BTBD1: variants seen among roughly 807,000 people sequenced by gnomAD.
BTBD1 encodes BTB/POZ domain-containing protein 1.
Under a neutral mutation model 48.0 loss-of-function variants are expected in BTBD1, and 34 were observed. That is an observed-to-expected ratio of 0.71 (90% confidence interval 0.54 to 0.94). The LOEUF (loss-of-function observed/expected upper bound fraction) is 0.94. Among genes scored for constraint, BTBD1 ranks in the 40% least tolerant of loss-of-function variants. The pLI is 0.00. For synonymous variants in BTBD1, 261 were observed against 242.1 expected, an observed-to-expected ratio of 1.08 and a Z score of -0.72; for missense variants, 543 against 625.6, an observed-to-expected ratio of 0.87 and a Z score of 1.41.
At chr15:83,058,844 T>A (rs571141705) in intron 1 of BTBD1, among the ~76,000 whole-genome samples, 5 of 152,276 alleles carry the variant, frequency 3.3e-5, no homozygotes, top group Admixed American at 2.6e-4. Context: ...ATGCGGGCTT[T>A]GACTTAGGAA....
At chr15:83,058,553 G>A (rs2033125061) in intron 1 of BTBD1, among the ~76,000 whole-genome samples, 1 of 151,974 alleles carries the variant, frequency 6.6e-6, no homozygotes, top group South Asian at 2.1e-4. Context: ...AGGCTGCAGG[G>A]AGCGGAGATC....
In BTBD1 at chr15:83,017,889, AT is replaced by A. The variant is rs956260060; in HGVS notation, c.*177del. On this transcript the variant is annotated 3_prime_UTR_variant, in exon 8 of 8. Transcript: ENST00000261721. ...TCTTAAAGTTGTAAGAAAATGGAAA[AT>A]CTGTTTTTAAATCATGCAAAGATTT... 52 of 395,306 alleles carry A rather than the reference AT, an allele frequency of 1.3e-4. No homozygotes were observed. Among genetic ancestry groups the A allele is most frequent in the African/African-American group, 1.0e-3 (50 of 48,362 alleles). The allele number at this position is 395,306 out of a possible 1,614,324, so 24.5% of individuals were successfully genotyped here. A position where few individuals can be genotyped will look rare whatever the true frequency, so the allele number is the denominator to read the frequency against.
At position 83,067,205 on chromosome 15, in the gene BTBD1, A is replaced by G. The variant is rs2033301882; in HGVS notation, c.-54T>C. On this transcript the variant is annotated 5_prime_UTR_variant, in exon 1 of 8. Coordinates refer to ENST00000261721, the MANE Select transcript of BTBD1 (RefSeq NM_025238.4). ...GGACAAAACTCCGCCGCCATCGCCC[A>G]GGCCGCCTCCGGAGGCCGGCGCTGC... is the stretch of plus-strand genomic sequence containing the variant. The G allele has an allele frequency of 3.7e-6, 5 of 1,342,470 alleles. No homozygotes were observed. Among genetic ancestry groups the G allele is most frequent in the East Asian group, 2.9e-5 (1 of 34,260 alleles). The allele number at this position is 1,342,470 out of a possible 1,614,324, so 83.2% of individuals were successfully genotyped here.
At chr15:83,057,614 C>A (rs948283089) in intron 1 of BTBD1, among the ~76,000 whole-genome samples, 1 of 152,204 alleles carries the variant, frequency 6.6e-6, no homozygotes, top group Non-Finnish European at 1.5e-5. Flanking sequence ...CTTTCTTGAT[C>A]GTTCCTTTTT....
chr15:83,029,248 G>A (rs780040727), intron 5 of BTBD1, among the ~76,000 whole-genome samples: 1 of 152,128 alleles, frequency 6.6e-6, no homozygotes, highest in Non-Finnish European at 1.5e-5. Flanking sequence ...TTATACTGAA[G>A]TGCTATTAAA....
At chr15:83,018,616 T>A in intron 7 of BTBD1, 91 bp downstream of exon 7, 1 of 1,421,136 alleles carries the variant, frequency 7.0e-7, no homozygotes, top group East Asian at 2.4e-5. Context: ...TCTTTATAAA[T>A]GGCTCAGCTG....
In BTBD1 at chr15:83,041,871, A is replaced by G; in HGVS notation, c.719T>C (p.Leu240Pro). ...RDTLSIRESR[L>P]FGAVVRWAEA... Reference sequence around the variant, plus strand: ...TGCCCAGCGTACAACAGCTCCAAAAAGTCGACTTTCTCGAATACTGAGTGT... The same window carrying G: ...TGCCCAGCGTACAACAGCTCCAAAAGGTCGACTTTCTCGAATACTGAGTGT... The change falls in exon 4 of 8, where the codon CTT (leucine) becomes CCT (proline). Residue 240 changes from leucine (L) to proline (P), a missense_variant. By Grantham distance (98) the Leu-to-Pro change is moderately conservative (BLOSUM62 -3). Coordinates refer to ENST00000261721, the MANE Select transcript of BTBD1 (RefSeq NM_025238.4). 1 of 1,614,218 alleles carries G rather than the reference A, an allele frequency of 6.2e-7. No individual in the cohort carries two copies. The highest frequency in any genetic ancestry group is 8.5e-7 in the Non-Finnish European group (1 of 1,180,042).
chr15:83,067,148 C>A lies in BTBD1; in HGVS notation c.4G>T (p.Ala2Ser). The A allele has an allele frequency of 7.0e-7, 1 of 1,429,404 alleles. No homozygotes were observed. The highest frequency in any genetic ancestry group is 1.6e-5 in the South Asian group (1 of 64,212). The allele number at this position is 1,429,404 out of a possible 1,614,324, so 88.5% of individuals were successfully genotyped here. MASLGPAAAGEQ... is the reference protein window; with the variant it reads MSSLGPAAAGEQ... Reference sequence around the variant, plus strand: ...CCAGCTGCGGCAGGCCCGAGTGAGGCCATCCTCCAGCTGCGCGGTTGCCCA... The same window carrying A: ...CCAGCTGCGGCAGGCCCGAGTGAGGACATCCTCCAGCTGCGCGGTTGCCCA... The change falls in exon 1 of 8, where the codon GCC becomes TCC. Residue 2 changes from alanine to serine, a missense_variant. By Grantham distance (99) the Ala-to-Ser change is moderately conservative. Transcript: ENST00000261721.
At chr15:83,018,598 T>C in intron 7 of BTBD1, 109 bp downstream of exon 7, 1 of 1,254,958 alleles carries the variant, frequency 8.0e-7, no homozygotes, top group East Asian at 2.5e-5. Context: ...CCAGCTTCTT[T>C]TCCCCCCTCT....
chr15:83,056,210 TAC>T (rs2033078602), intron 2 of BTBD1, among the ~76,000 whole-genome samples, 177 bp downstream of exon 2: 1 of 152,194 alleles, frequency 6.6e-6, no homozygotes, highest in African/African-American at 2.4e-5. Context: ...TGGCCTCTAA[TAC>T]ACTTTTCAAT....
rs2033084837 is a variant in BTBD1, at chr15:83,056,531, T to C, written c.416A>G (p.Asp139Gly). Residue 139 changes from aspartate (D) to glycine (G), a missense_variant, in exon 2 of 8, where the codon GAT becomes GGT. By Grantham distance (94) the Asp-to-Gly change is moderately conservative. Transcript: ENST00000261721. ...FLALLRFLYS[D>G]EVQIGPETVM... ...TGTTTCTGGACCAATTTGAACTTCA[T>C]CTGAATATAGAAATCTGGAAAACAA... is the stretch of plus-strand genomic sequence containing the variant. 2 of 1,613,500 alleles carry C rather than the reference T, an allele frequency of 1.2e-6. No individual in the cohort carries two copies. Among genetic ancestry groups the C allele is most frequent in the Admixed American group, 1.7e-5 (1 of 59,920 alleles).
intron 1 of BTBD1, among the ~76,000 whole-genome samples, chr15:83,057,601 CTTCT>C (rs1470858636): frequency 3.3e-5 from 5 of 152,308 alleles, no homozygotes; most frequent in African/African-American, 1.2e-4. Flanking sequence ...AGAATGCTTG[CTTCT>C]TTCTTGATCG....
intron 2 of BTBD1, among the ~76,000 whole-genome samples, chr15:83,052,270 AG>A (rs2033001642): frequency 6.6e-6 from 1 of 152,004 alleles, no homozygotes; most frequent in Admixed American, 6.6e-5. Flanking sequence ...AATAGAGACA[AG>A]GTTTCACCAT....
chr15:83,064,998 T>C (rs1194510729), intron 1 of BTBD1, among the ~76,000 whole-genome samples: 2 of 152,170 alleles, frequency 1.3e-5, no homozygotes, highest in African/African-American at 4.8e-5. Flanking sequence ...TTTATCCCGG[T>C]CTCTAGGTAT....
At chr15:83,057,254 C>T (rs914037271) in intron 1 of BTBD1, among the ~76,000 whole-genome samples, 5 of 152,266 alleles carry the variant, frequency 3.3e-5, no homozygotes, top group Admixed American at 6.5e-5. Flanking sequence ...GTTTTCAGTG[C>T]CATACAGTAA....
At chr15:83,060,282 T>A (rs1317865919) in intron 1 of BTBD1, among the ~76,000 whole-genome samples, 1 of 150,904 alleles carries the variant, frequency 6.6e-6, no homozygotes, top group Non-Finnish European at 1.5e-5. Context: ...TTATAATATT[T>A]AAAAAAAAAC....
At chr15:83,054,944 G>C (rs1053049389) in intron 2 of BTBD1, among the ~76,000 whole-genome samples, 2 of 152,014 alleles carry the variant, frequency 1.3e-5, no homozygotes, top group African/African-American at 4.8e-5. Flanking sequence ...AGCCTATGAG[G>C]GTTTGGAAAG....
At position 83,018,031 on chromosome 15, in the gene BTBD1, T is replaced by C; in HGVS notation, c.*36A>G. 2 of 1,435,726 alleles carry C rather than the reference T, an allele frequency of 1.4e-6. No homozygotes were observed. The highest frequency in any genetic ancestry group is 9.5e-7 in the Non-Finnish European group (1 of 1,054,232). 88.9% of individuals were successfully genotyped at this position (1,435,726 alleles called of 1,614,324 possible). A position where few individuals can be genotyped will look rare whatever the true frequency, so the allele number is the denominator to read the frequency against. On this transcript the variant is annotated 3_prime_UTR_variant, in exon 8 of 8. Coordinates refer to ENST00000261721, the MANE Select transcript of BTBD1 (RefSeq NM_025238.4). ...TTTATGTTTTTGACACTAGATTGTA[T>C]GGTATTATTTAGCCAAGATGTATTA...
Position 83,017,830 on chromosome 15 carries a change from GCT to G in BTBD1, c.*235_*236del. The G allele has an allele frequency of 3.9e-6, 1 of 255,760 alleles. No individual in the cohort carries two copies. The highest frequency in any genetic ancestry group is 7.3e-6 in the Non-Finnish European group (1 of 136,954). 15.8% of individuals were successfully genotyped at this position (255,760 alleles called of 1,614,324 possible). ...TACAAGATGAAGGTGAAAAAGCTGTGCTTTTTTTTAAACCATTAAACCCAGTT... is the reference window on the plus strand; with the variant it reads ...TACAAGATGAAGGTGAAAAAGCTGTGTTTTTTTAAACCATTAAACCCAGTT... On this transcript the variant is annotated 3_prime_UTR_variant, in exon 8 of 8. Coordinates refer to ENST00000261721, the MANE Select transcript of BTBD1 (RefSeq NM_025238.4).
Sources: gnomAD v4.1 joint callset for allele counts (sites outside exome capture counted in the v4.1 genomes callset) on GRCh38, gnomAD v4.1.1 for gene constraint, MANE v1.5 for transcripts, NCBI Gene and HGNC (gene_info 2026-07-23, HGNC 2026-07-21) for gene names.